Variants in TTC39C observed in about 807,000 individuals in gnomAD.
The protein encoded by TTC39C is tetratricopeptide repeat protein 39C.
Under a neutral mutation model 76.3 loss-of-function variants are expected in TTC39C, and 33 were observed. That is an observed-to-expected ratio of 0.43 (90% CI 0.33 to 0.58). The LOEUF (loss-of-function observed/expected upper bound fraction) is 0.58. Among genes scored for constraint, TTC39C ranks in the 20% least tolerant of loss-of-function variants. TTC39C has a pLI of 0.04. For missense variants in TTC39C, 595 were observed against 701.4 expected, an observed-to-expected ratio of 0.85 and a Z score of 1.71; for synonymous variants, 254 against 260.6, an observed-to-expected ratio of 0.97 and a Z score of 0.24.
In TTC39C at chr18:24,033,743, A is replaced by G. The variant is rs542566534; in HGVS notation, c.167+18705A>G. On this transcript the variant is annotated intron_variant, in intron 1 of 13. Transcript: ENST00000317571. ...CTTTTCAGGCCACAAATCATTATGTATGTAACATGATCAGTAGCCAATCGT... is the reference window on the plus strand; with the variant it reads ...CTTTTCAGGCCACAAATCATTATGTGTGTAACATGATCAGTAGCCAATCGT... 3.9e-5 allele frequency among the ~76,000 whole-genome samples: 6 copies of G among 152,360 alleles called. No homozygotes were observed. In the South Asian group the frequency reaches 6.2e-4, roughly 16 times the overall value.
chr18:24,067,538 G>A (rs561705206), intron 3 of TTC39C, among the ~76,000 whole-genome samples: 9 of 152,320 alleles, frequency 5.9e-5, no homozygotes, highest in Non-Finnish European at 1.2e-4. Context: ...AGAGTGTCAT[G>A]AGATTGTCAT....
intron 1 of TTC39C, among the ~76,000 whole-genome samples, chr18:23,997,880 G>GAA (rs58696468): frequency 2.5e-5 from 3 of 118,422 alleles, no homozygotes; most frequent in Middle Eastern, 4.2e-3. Flanking sequence ...TCTGAAAAAA[G>GAA]AAAAAAAAAA....
intron 6 of TTC39C, among the ~76,000 whole-genome samples, chr18:24,102,988 C>T (rs570222879): frequency 4.6e-5 from 7 of 152,034 alleles, no homozygotes; most frequent in Non-Finnish European, 7.4e-5. Flanking sequence ...CATAGTCCCA[C>T]CTATTTGGGA....
chr18:24,128,083 T>G (rs1353239260), intron 10 of TTC39C, among the ~76,000 whole-genome samples: 1 of 152,142 alleles, frequency 6.6e-6, no homozygotes, highest in African/African-American at 2.4e-5. Context: ...CTTGCTCTTC[T>G]CTCTGAGAAG....
At chr18:24,109,305 G>C (rs2084784104) in intron 6 of TTC39C, among the ~76,000 whole-genome samples, 1 of 151,774 alleles carries the variant, frequency 6.6e-6, no homozygotes, top group South Asian at 2.1e-4. Flanking sequence ...TTCCAGCCTG[G>C]GTGACAGAGC....
rs975487793 is a variant in TTC39C, at chr18:24,135,348, G to A, written c.*2774G>A. 5.9e-5 allele frequency: 9 copies of A among 152,500 alleles called. No individual in the cohort carries two copies. Among genetic ancestry groups the A allele is most frequent in the African/African-American group, 1.9e-4 (8 of 41,382 alleles). 9.4% of individuals were successfully genotyped at this position (152,500 alleles called of 1,614,324 possible). A position where few individuals can be genotyped will look rare whatever the true frequency, so the allele number is the denominator to read the frequency against. On this transcript the variant is annotated 3_prime_UTR_variant, in exon 14 of 14. Coordinates refer to ENST00000317571, the MANE Select transcript of TTC39C (RefSeq NM_001135993.2). ...CCTAGGCTTGGTACAGATGGCGCCT[G>A]TGGTAAATCTGTGTTAACATGGTGG...
intron 6 of TTC39C, among the ~76,000 whole-genome samples, chr18:24,105,995 C>T (rs2084741439): frequency 2.6e-5 from 4 of 152,174 alleles, no homozygotes; most frequent in Admixed American, 2.6e-4. Flanking sequence ...TCCGCCTCCG[C>T]ATGGTGTTCT....
At chr18:24,077,048 G>C (rs761053284) in intron 4 of TTC39C, 1 of 152,082 alleles carries the variant, frequency 6.6e-6, no homozygotes, top group Non-Finnish European at 1.5e-5. Context: ...TGGTCCCTTC[G>C]ACGTCACGTT....
In TTC39C at chr18:24,019,941, G is replaced by A. The variant is rs942283240; in HGVS notation, c.167+4903G>A. 29 of 1,516,972 alleles carry A rather than the reference G, an allele frequency of 1.9e-5. No homozygotes were observed. The African/African-American group carries it at 3.9e-4, about 21-fold the overall frequency. 94.0% of individuals were successfully genotyped at this position (1,516,972 alleles called of 1,614,324 possible). ...GCTTGTAAGAGATGTTGAGTCAGCA[G>A]GCCTCTGAGCCTCTTCTCTGCCTAA... On this transcript the variant is annotated intron_variant, in intron 1 of 13. Transcript: ENST00000317571.
rs968078619 is a variant in TTC39C, at chr18:24,048,740, G to A, written c.168-15400G>A. ...TGCTATATTTACCTTTTAAGGTAAC[G>A]TTTTCATAGGAAGTAGCAGCGATTG... On this transcript the variant is annotated intron_variant, in intron 1 of 13. Transcript: ENST00000317571. 3.9e-5 allele frequency among the ~76,000 whole-genome samples: 6 copies of A among 152,108 alleles called. No individual in the cohort carries two copies. In the East Asian group the frequency reaches 7.7e-4, roughly 20 times the overall value.
chr18:24,107,962 T>C (rs947171764), intron 6 of TTC39C, among the ~76,000 whole-genome samples: 3 of 152,088 alleles, frequency 2.0e-5, no homozygotes, highest in African/African-American at 7.2e-5. Flanking sequence ...GGTTTCACCA[T>C]GTTGCTCAGA....
chr18:24,070,915 A>C (rs1280180091), intron 4 of TTC39C, among the ~76,000 whole-genome samples: 1 of 152,076 alleles, frequency 6.6e-6, no homozygotes. Context: ...AAGTGTGAGA[A>C]TATATCAGAA....
intron 1 of TTC39C, among the ~76,000 whole-genome samples, chr18:23,998,872 C>T (rs1029844991): frequency 6.6e-6 from 1 of 152,068 alleles, no homozygotes; most frequent in Non-Finnish European, 1.5e-5. Context: ...TTCCTTTTAT[C>T]CTGCTGCTCG....
At chr18:24,064,273 A>G (rs1350827445) in intron 2 of TTC39C, 85 bp downstream of exon 2, 12 of 1,481,390 alleles carry the variant, frequency 8.1e-6, no homozygotes, top group East Asian at 2.3e-5. Context: ...TTGTATAGAT[A>G]CACTATTGTA....
At chr18:24,011,820 CTCTG>C (rs1250550701), upstream of TTC39C, among the ~76,000 whole-genome samples, 2 of 152,106 alleles carry the variant, frequency 1.3e-5, no homozygotes, top group African/African-American at 4.8e-5. Flanking sequence ...TTTCCACTCT[CTCTG>C]TCTCTCAACT....
At chr18:24,037,830 T>C (rs1004567987) in intron 1 of TTC39C, among the ~76,000 whole-genome samples, 3 of 152,224 alleles carry the variant, frequency 2.0e-5, no homozygotes, top group Non-Finnish European at 4.4e-5. Flanking sequence ...ACAAGGAGAC[T>C]GTGGCATTTT....
intron 2 of TTC39C, 28 bp downstream of exon 2, chr18:24,064,216 C>T (rs2084137506): frequency 1.2e-6 from 2 of 1,611,256 alleles, no homozygotes; most frequent in African/African-American, 1.3e-5. Flanking sequence ...GACCTATTGG[C>T]ATGAAGGAAA....
At chr18:24,105,477 G>T (rs1568439335) in intron 6 of TTC39C, among the ~76,000 whole-genome samples, 1 of 152,158 alleles carries the variant, frequency 6.6e-6, no homozygotes, top group Non-Finnish European at 1.5e-5. Context: ...ATGCATATAT[G>T]AAATACATAT....
At chr18:24,064,211 A>G (rs971683962) in intron 2 of TTC39C, 23 bp downstream of exon 2, 2 of 1,612,436 alleles carry the variant, frequency 1.2e-6, no homozygotes, top group Non-Finnish European at 1.7e-6. Context: ...CTTAAGACCT[A>G]TTGGCATGAA....
Sources: allele counts gnomAD v4.1 joint callset (sites outside exome capture counted in the v4.1 genomes callset), GRCh38; gene constraint gnomAD v4.1.1; transcripts MANE v1.5; gene names NCBI Gene and HGNC (gene_info 2026-07-23, HGNC 2026-07-21).